The following FMNL2 variants were observed in gnomAD, a reference collection of about 807,000 sequenced individuals.
FMNL2 encodes the protein formin-like protein 2.
FMNL2 carries 51 observed loss-of-function variants against 130.2 expected under a neutral mutation model. The observed-to-expected ratio is 0.39, with a 90% confidence interval of 0.31 to 0.49. FMNL2 has a LOEUF of 0.49. Among genes scored for constraint, FMNL2 ranks in the 20% least tolerant of loss-of-function variants. The probability of loss-of-function intolerance (pLI) is 0.85; values close to 1 mark genes in which losing one functional copy is unlikely to be tolerated. For missense variants in FMNL2, 977 were observed against 1,316.2 expected (o/e 0.74, Z 3.99); for synonymous variants, 465 against 467.1 (o/e 1.00, Z 0.06).
intron 1 of FMNL2, among the ~76,000 whole-genome samples, chr2:152,509,737 C>CTTTTTTTTTTTTTTTTTTTTTTT (rs138976882): frequency 1.7e-5 from 1 of 58,684 alleles, no homozygotes; most frequent in African/African-American, 7.1e-5. Context: ...TACTCTGGAC[C>CTTTTTTTTTTTTTTTTTTTTTTT]TTTTTTTTTT....
At chr2:152,617,037 G>C (rs1320531886) in intron 12 of FMNL2, 54 bp from the exon 13 acceptor site, 1 of 1,502,228 alleles carries the variant, frequency 6.7e-7, no homozygotes, top group Non-Finnish European at 9.2e-7. Context: ...TGAGAACTGA[G>C]GGCTGATCAA....
chr2:152,349,608 T>A (rs756060201), intron 1 of FMNL2, among the ~76,000 whole-genome samples: 29 of 152,222 alleles, frequency 1.9e-4, no homozygotes, highest in Non-Finnish European at 5.9e-5. Flanking sequence ...CCAACTTGTG[T>A]TATATGCTGC....
intron 1 of FMNL2, among the ~76,000 whole-genome samples, chr2:152,374,690 T>G (rs1684065769): frequency 6.6e-6 from 1 of 152,236 alleles, no homozygotes; most frequent in African/African-American, 2.4e-5. Flanking sequence ...TGTGGAACCC[T>G]GTCACCAGCA....
intron 2 of FMNL2, among the ~76,000 whole-genome samples, chr2:152,535,839 C>T (rs1035495999): frequency 6.6e-6 from 1 of 152,204 alleles, no homozygotes; most frequent in South Asian, 2.1e-4. Flanking sequence ...AGACTTAATA[C>T]TTTTTCATTT....
chr2:152,416,562 G>T (rs1439371628), intron 1 of FMNL2, among the ~76,000 whole-genome samples: 1 of 152,172 alleles, frequency 6.6e-6, no homozygotes, highest in African/African-American at 2.4e-5. Flanking sequence ...ACCAAAGCTA[G>T]AATCAAATAT....
intron 21 of FMNL2, 150 bp downstream of exon 21, chr2:152,632,287 G>T: frequency 9.5e-7 from 1 of 1,051,962 alleles, no homozygotes; most frequent in Non-Finnish European, 1.4e-6. Context: ...ATCGGCCGTG[G>T]TGTTGTCCAC....
chr2:152,380,446 G>C (rs12474369), intron 1 of FMNL2, among the ~76,000 whole-genome samples: 1 of 152,096 alleles, frequency 6.6e-6, no homozygotes, highest in Non-Finnish European at 1.5e-5. Flanking sequence ...TGTGTAGTCA[G>C]TTCTTACAAG....
At chr2:152,622,995 G>T (rs1681468085) in intron 15 of FMNL2, among the ~76,000 whole-genome samples, 1 of 152,126 alleles carries the variant, frequency 6.6e-6, no homozygotes, top group South Asian at 2.1e-4. Flanking sequence ...AGTGTGTCCA[G>T]TGGTCACCTA....
chr2:152,466,880 A>G (rs1232765491), intron 1 of FMNL2, among the ~76,000 whole-genome samples: 1 of 152,042 alleles, frequency 6.6e-6, no homozygotes, highest in Non-Finnish European at 1.5e-5. Flanking sequence ...ATGTCTTTCT[A>G]TGGATTTTTG....
In FMNL2 at chr2:152,438,391, G is replaced by C. The variant is rs192967967; in HGVS notation, c.118-83552G>C. On this transcript the variant is annotated intron_variant, in intron 1 of 25. Transcript: ENST00000288670. ...CAGGTAACCTTAAGTGGGTGATGCA[G>C]GTTCTAAATTAGAGTGGGGAATGGA... Among the ~76,000 whole-genome samples the C allele has an allele frequency of 3.3e-5, 5 of 152,288 alleles. No homozygotes were observed. The East Asian group carries it at 9.6e-4, about 29-fold the overall frequency.
chr2:152,453,331 T>C (rs1688759715), intron 1 of FMNL2, among the ~76,000 whole-genome samples: 1 of 152,202 alleles, frequency 6.6e-6, no homozygotes, highest in Non-Finnish European at 1.5e-5. Context: ...TTAGGAGCAG[T>C]CTGCTCAGAA....
chr2:152,416,292 G>A (rs1011557745), intron 1 of FMNL2, among the ~76,000 whole-genome samples: 1 of 152,170 alleles, frequency 6.6e-6, no homozygotes, highest in Non-Finnish European at 1.5e-5. Context: ...CCAGAGACAG[G>A]GCAGGGAGTG....
At chr2:152,501,233 A>G (rs1240135935) in intron 1 of FMNL2, among the ~76,000 whole-genome samples, 1 of 152,214 alleles carries the variant, frequency 6.6e-6, no homozygotes, top group Non-Finnish European at 1.5e-5. Context: ...TTTAAGGATT[A>G]TCTCTTTATT....
chr2:152,466,348 CACT>C (rs1689534469), intron 1 of FMNL2, among the ~76,000 whole-genome samples: 1 of 152,290 alleles, frequency 6.6e-6, no homozygotes, highest in Admixed American at 6.5e-5. Context: ...AAATGTTTTC[CACT>C]ACTAGTAAAA....
chr2:152,371,693 A>G (rs1683896014), intron 1 of FMNL2, among the ~76,000 whole-genome samples: 1 of 151,532 alleles, frequency 6.6e-6, no homozygotes, highest in Non-Finnish European at 1.5e-5. Flanking sequence ...AAAAAAAGAA[A>G]GAAATGTAAT....
rs550976327 is a variant in FMNL2, at chr2:152,345,860, A to G, written c.117+10140A>G. Reference sequence around the variant, plus strand: ...AGCCCTTCCTCTTGCCAGTGTTTACACCCTCCAGTGGCCTTTTATAGCAGA... The same window carrying G: ...AGCCCTTCCTCTTGCCAGTGTTTACGCCCTCCAGTGGCCTTTTATAGCAGA... On this transcript the variant is annotated intron_variant, in intron 1 of 25. Coordinates refer to ENST00000288670, the MANE Select transcript of FMNL2 (RefSeq NM_052905.4). 6.0e-4 allele frequency among the ~76,000 whole-genome samples: 91 copies of G among 151,946 alleles called. 1 individual carries two copies. The Middle Eastern group carries it at 0.01, about 17-fold the overall frequency.
chr2:152,573,439 A>G (rs2105680199), intron 6 of FMNL2, among the ~76,000 whole-genome samples: 1 of 152,326 alleles, frequency 6.6e-6, no homozygotes, highest in Admixed American at 6.5e-5. Flanking sequence ...ACTCGTGGAA[A>G]GTGACTGTCC....
At chr2:152,551,467 A>C (rs1335807542) in intron 4 of FMNL2, among the ~76,000 whole-genome samples, 1 of 152,234 alleles carries the variant, frequency 6.6e-6, no homozygotes, top group East Asian at 1.9e-4. Context: ...TATGCAACCA[A>C]TCACTAGCAT....
At chr2:152,543,762 A>C (rs62181861) in intron 3 of FMNL2, among the ~76,000 whole-genome samples, 10,846 of 143,602 alleles carry the variant, frequency 0.076, 553 homozygotes, top group Middle Eastern at 0.15. Flanking sequence ...CCAGCAAAGG[A>C]GAACAGCTAT....
Sources: gnomAD v4.1 joint callset for allele counts (sites outside exome capture counted in the v4.1 genomes callset) on GRCh38, gnomAD v4.1.1 for gene constraint, MANE v1.5 for transcripts, NCBI Gene and HGNC (gene_info 2026-07-23, HGNC 2026-07-21) for gene names.